Variants in VWA8 observed in about 807,000 individuals in gnomAD.
The protein encoded by VWA8 is von Willebrand factor A domain containing 8.
In VWA8, 221 loss-of-function variants were observed where a neutral mutation model predicts 241.5. The ratio of observed to expected loss-of-function variants is 0.91; its 90% CI spans 0.82 to 1.02. The LOEUF is 1.02. Among genes scored for constraint, VWA8 ranks in the 50% least tolerant of loss-of-function variants. VWA8 has a pLI of 0.00. For missense variants in VWA8, 2,322 were observed against 2,328.7 expected (o/e 1.00, Z 0.06); for synonymous variants, 852 against 827.1 (o/e 1.03, Z -0.52).
rs538111750 is a variant in VWA8, at chr13:41,920,124, C to T, written c.242-7956G>A. 2.0e-4 allele frequency among the ~76,000 whole-genome samples: 31 copies of T among 152,238 alleles called. No individual in the cohort carries two copies. The South Asian group carries it at 6.2e-3, about 31-fold the overall frequency. ...CAGTGCTGCACCTGGCTGCACAGAA[C>T]CTGGGCTATTGCTGAGTGTCACCAT... On this transcript the variant is annotated intron_variant, in intron 2 of 44. Transcript: ENST00000379310.
At chr13:41,921,223 A>G (rs1024964862) in intron 2 of VWA8, among the ~76,000 whole-genome samples, 4 of 152,324 alleles carry the variant, frequency 2.6e-5, no homozygotes, top group Middle Eastern at 6.8e-3. Flanking sequence ...AAAGGCCTTC[A>G]ACAAAATTCA....
chr13:41,833,960 C>A (rs1871600078), intron 12 of VWA8, among the ~76,000 whole-genome samples: 1 of 152,198 alleles, frequency 6.6e-6, no homozygotes, highest in Non-Finnish European at 1.5e-5. Context: ...GCAAACTCAA[C>A]ATGCAGAGAT....
At chr13:41,660,585 G>A (rs2044942877) in intron 37 of VWA8, among the ~76,000 whole-genome samples, 1 of 152,170 alleles carries the variant, frequency 6.6e-6, no homozygotes, top group African/African-American at 2.4e-5. Flanking sequence ...TCATCCTGGG[G>A]AAGGAAAGAC....
chr13:41,838,449 G>A (rs61963092), intron 12 of VWA8, among the ~76,000 whole-genome samples: 1,870 of 152,172 alleles, frequency 0.012, 17 homozygotes, highest in Middle Eastern at 0.041. Flanking sequence ...TGTCTTATAG[G>A]AAATTAAATT....
chr13:41,804,548 T>A (rs921121281), intron 17 of VWA8, among the ~76,000 whole-genome samples: 4 of 151,476 alleles, frequency 2.6e-5, no homozygotes, highest in African/African-American at 9.7e-5. Flanking sequence ...TAAAAAAAAA[T>A]TAATGAGCAG....
chr13:41,758,414 A>G (rs2045712998), intron 21 of VWA8, among the ~76,000 whole-genome samples: 1 of 77,484 alleles, frequency 1.3e-5, no homozygotes, highest in Non-Finnish European at 2.9e-5. Context: ...ATATATATAT[A>G]TATATATATA....
chr13:41,576,697 T>C (rs2044352791), intron 42 of VWA8, among the ~76,000 whole-genome samples: 1 of 152,186 alleles, frequency 6.6e-6, no homozygotes, highest in African/African-American at 2.4e-5. Context: ...GTAAAAGATA[T>C]ACATCAGGCT....
intron 37 of VWA8, among the ~76,000 whole-genome samples, chr13:41,636,237 C>A (rs938231096): frequency 6.6e-6 from 1 of 152,044 alleles, no homozygotes; most frequent in Non-Finnish European, 1.5e-5. Flanking sequence ...AGATATAGAC[C>A]AATGGAACAG....
At chr13:41,675,980 T>A (rs2045057639) in intron 35 of VWA8, among the ~76,000 whole-genome samples, 1 of 152,114 alleles carries the variant, frequency 6.6e-6, no homozygotes, top group South Asian at 2.1e-4. Flanking sequence ...GGAGTTTGGA[T>A]CATAATCCCA....
intron 20 of VWA8, among the ~76,000 whole-genome samples, chr13:41,768,881 T>C (rs1297985552): frequency 6.7e-6 from 1 of 149,788 alleles, no homozygotes; most frequent in Admixed American, 6.7e-5. Flanking sequence ...CTGACTAGAA[T>C]AAATCAACTA....
chr13:41,901,207 G>C (rs1046221741), intron 4 of VWA8, among the ~76,000 whole-genome samples: 30 of 150,690 alleles, frequency 2.0e-4, no homozygotes, highest in Admixed American at 7.3e-4. Flanking sequence ...TGAACTCCTG[G>C]CCTCAAGTGA....
chr13:41,806,871 C>A (rs931414837), intron 17 of VWA8, among the ~76,000 whole-genome samples: 2 of 140,666 alleles, frequency 1.4e-5, no homozygotes, highest in African/African-American at 2.6e-5. Context: ...AGTGAGACTC[C>A]ATCTCAAAAA....
chr13:41,850,683 G>A (rs1220008662), intron 12 of VWA8, among the ~76,000 whole-genome samples: 4 of 151,924 alleles, frequency 2.6e-5, no homozygotes, highest in African/African-American at 9.7e-5. Flanking sequence ...TGCCCAGAAT[G>A]TCTGGCTGGG....
chr13:41,959,111 A>G (rs995393763), intron 1 of VWA8, among the ~76,000 whole-genome samples: 1 of 152,266 alleles, frequency 6.6e-6, no homozygotes, highest in African/African-American at 2.4e-5. Flanking sequence ...AGGAAACAGA[A>G]TAATTCTCAA....
At chr13:41,802,199 A>C (rs1192369076) in intron 17 of VWA8, among the ~76,000 whole-genome samples, 1 of 152,154 alleles carries the variant, frequency 6.6e-6, no homozygotes, top group Non-Finnish European at 1.5e-5. Flanking sequence ...TTGGAGAAAG[A>C]ATCTGTGTGC....
chr13:41,755,467 T>C (rs1391707081), intron 21 of VWA8, among the ~76,000 whole-genome samples: 1 of 152,016 alleles, frequency 6.6e-6, no homozygotes, highest in African/African-American at 2.4e-5. Flanking sequence ...TAATGGGTAC[T>C]ATAAAATATA....
chr13:41,603,468 T>G (rs2044534617), intron 40 of VWA8, among the ~76,000 whole-genome samples: 1 of 152,242 alleles, frequency 6.6e-6, no homozygotes, highest in African/African-American at 2.4e-5. Context: ...TATAGCATAG[T>G]CCTCAACAAA....
intron 43 of VWA8, among the ~76,000 whole-genome samples, chr13:41,573,139 G>A (rs1397079947): frequency 6.7e-6 from 1 of 149,656 alleles, no homozygotes; most frequent in Non-Finnish European, 1.5e-5. Flanking sequence ...AAACAAGCCA[G>A]GCACGGTGGC....
At chr13:41,878,391 TAAAG>T (rs1462008443) in intron 9 of VWA8, among the ~76,000 whole-genome samples, 1 of 151,410 alleles carries the variant, frequency 6.6e-6, no homozygotes, top group Non-Finnish European at 1.5e-5. Context: ...GAACAGATGA[TAAAG>T]AATTATATCA....
Sources: allele counts gnomAD v4.1 joint callset (sites outside exome capture counted in the v4.1 genomes callset), GRCh38; gene constraint gnomAD v4.1.1; transcripts MANE v1.5; gene names NCBI Gene and HGNC (gene_info 2026-07-23, HGNC 2026-07-21).